The following TRDN variants were observed in gnomAD, a reference collection of about 807,000 sequenced individuals.
The protein encoded by TRDN is triadin in skeletal muscle.
Under a neutral mutation model 149.7 loss-of-function variants are expected in TRDN, and 161 were observed. That is an observed-to-expected ratio of 1.08 (90% CI 0.95 to 1.23). TRDN has a LOEUF of 1.23. Among genes scored for constraint, TRDN ranks in the 50% most tolerant of loss-of-function variants. The pLI, the probability that TRDN is intolerant of heterozygous loss-of-function variation, is 0.00. For missense variants in TRDN, 896 were observed against 823.5 expected, an observed-to-expected ratio of 1.09 and a Z score of -1.08; for synonymous variants, 294 against 250.5, an observed-to-expected ratio of 1.17 and a Z score of -1.64.
chr6:123,442,703 C>A (rs1391605714), intron 10 of TRDN, among the ~76,000 whole-genome samples: 1 of 151,808 alleles, frequency 6.6e-6, no homozygotes, highest in Non-Finnish European at 1.5e-5. Flanking sequence ...AAAATCTGAC[C>A]ACATATAATC....
At chr6:123,239,850 A>G (rs1285628830) in intron 38 of TRDN, among the ~76,000 whole-genome samples, 2 of 152,068 alleles carry the variant, frequency 1.3e-5, no homozygotes, top group Non-Finnish European at 2.9e-5. Flanking sequence ...TAAAGGAAAC[A>G]GAAAAACCTC....
At chr6:123,250,925 T>C (rs551870717) in intron 38 of TRDN, among the ~76,000 whole-genome samples, 3 of 152,150 alleles carry the variant, frequency 2.0e-5, no homozygotes, top group Non-Finnish European at 4.4e-5. Flanking sequence ...ACACCTCAAC[T>C]TCAACCAATA....
At chr6:123,432,541 A>G (rs1774376480) in intron 12 of TRDN, among the ~76,000 whole-genome samples, 1 of 152,060 alleles carries the variant, frequency 6.6e-6, no homozygotes, top group Non-Finnish European at 1.5e-5. Flanking sequence ...TCAATCTCCT[A>G]CATTCTGTTT....
chr6:123,566,711 C>G (rs1316945274), intron 2 of TRDN, among the ~76,000 whole-genome samples: 1 of 152,158 alleles, frequency 6.6e-6, no homozygotes, highest in African/African-American at 2.4e-5. Context: ...ACAAAAGATT[C>G]ATCATGATAA....
At chr6:123,274,547 C>G in intron 27 of TRDN, 94 bp downstream of exon 27, 1 of 1,080,852 alleles carries the variant, frequency 9.3e-7, no homozygotes, top group Non-Finnish European at 1.3e-6. Flanking sequence ...AGACTATGTG[C>G]ATGTCTCCCT....
intron 1 of TRDN, among the ~76,000 whole-genome samples, chr6:123,621,310 G>T (rs997277060): frequency 6.6e-6 from 1 of 151,972 alleles, no homozygotes; most frequent in African/African-American, 2.4e-5. Flanking sequence ...AAAACAGGAC[G>T]TTTCTAGGAG....
At chr6:123,548,853 C>A (rs1187587917) in intron 2 of TRDN, among the ~76,000 whole-genome samples, 1 of 151,530 alleles carries the variant, frequency 6.6e-6, no homozygotes, top group African/African-American at 2.4e-5. Flanking sequence ...AGAGTTAGCA[C>A]TGGAAAAAAA....
chr6:123,573,268 G>A (rs988640624), intron 1 of TRDN, among the ~76,000 whole-genome samples: 1 of 152,096 alleles, frequency 6.6e-6, no homozygotes, highest in African/African-American at 2.4e-5. Context: ...ATTTGCAGGT[G>A]TGTGATGGTG....
chr6:123,499,920 T>C (rs1363973665), intron 8 of TRDN, among the ~76,000 whole-genome samples: 1 of 151,076 alleles, frequency 6.6e-6, no homozygotes, highest in East Asian at 1.9e-4. Context: ...ATAGGTTATA[T>C]GCAAATATTA....
intron 12 of TRDN, among the ~76,000 whole-genome samples, chr6:123,422,439 G>A (rs1258445608): frequency 6.6e-6 from 1 of 152,112 alleles, no homozygotes; most frequent in Non-Finnish European, 1.5e-5. Context: ...GCTTAGTTAA[G>A]GGAGATGGGA....
intron 2 of TRDN, among the ~76,000 whole-genome samples, chr6:123,555,373 C>G (rs1044134682): frequency 3.3e-5 from 5 of 152,046 alleles, no homozygotes; most frequent in African/African-American, 1.2e-4. Context: ...AAATTAGAGA[C>G]ATAAGTAAAA....
At chr6:123,496,648 C>T (rs1286186542) in intron 9 of TRDN, among the ~76,000 whole-genome samples, 7 of 152,038 alleles carry the variant, frequency 4.6e-5, no homozygotes, top group Admixed American at 4.6e-4. Context: ...TAGATATATT[C>T]CTTTAACTCA....
chr6:123,267,201 G>T (rs1777042897), intron 32 of TRDN, among the ~76,000 whole-genome samples: 1 of 151,188 alleles, frequency 6.6e-6, no homozygotes, highest in Non-Finnish European at 1.5e-5. Flanking sequence ...GATTTTTGCA[G>T]TTAGCTTCCT....
intron 9 of TRDN, among the ~76,000 whole-genome samples, chr6:123,473,631 A>G (rs1057099229): frequency 1.3e-5 from 2 of 151,572 alleles, no homozygotes; most frequent in African/African-American, 4.8e-5. Flanking sequence ...CAACTCCAAG[A>G]CACATAATTG....
At chr6:123,601,673 A>G (rs1276415453) in intron 1 of TRDN, among the ~76,000 whole-genome samples, 1 of 152,110 alleles carries the variant, frequency 6.6e-6, no homozygotes, top group Non-Finnish European at 1.5e-5. Context: ...TTCTTTGTCC[A>G]GGCATCCTTC....
intron 14 of TRDN, among the ~76,000 whole-genome samples, chr6:123,383,151 T>C (rs1644178816): frequency 6.6e-6 from 1 of 152,038 alleles, no homozygotes; most frequent in African/African-American, 2.4e-5. Flanking sequence ...GGTGTGGTGG[T>C]ATCACGACTT....
intron 21 of TRDN, among the ~76,000 whole-genome samples, chr6:123,344,958 T>A (rs572571443): frequency 2.0e-5 from 3 of 152,176 alleles, no homozygotes; most frequent in Admixed American, 2.0e-4. Flanking sequence ...GCTATTTTAA[T>A]AGGTGTGTAG....
chr6:123,347,603 T>A (rs965838405), intron 21 of TRDN, among the ~76,000 whole-genome samples: 2 of 152,072 alleles, frequency 1.3e-5, no homozygotes, highest in African/African-American at 4.8e-5. Context: ...TTTTAAGGTA[T>A]TTTCATTTTA....
At chr6:123,221,376 T>A in intron 40 of TRDN, 111 bp downstream of exon 40, 1 of 586,566 alleles carries the variant, frequency 1.7e-6, no homozygotes, top group Non-Finnish European at 2.8e-6. Flanking sequence ...ATGTCTATGC[T>A]AAAAAATTTT....
Sources: gnomAD v4.1 joint callset for allele counts (sites outside exome capture counted in the v4.1 genomes callset) on GRCh38, gnomAD v4.1.1 for gene constraint, MANE v1.5 for transcripts, NCBI Gene and HGNC (gene_info 2026-07-23, HGNC 2026-07-21) for gene names.